The following PPP6R3 variants were observed in gnomAD, a reference collection of about 807,000 sequenced individuals.
PPP6R3 encodes the protein serine/threonine-protein phosphatase 6 regulatory subunit 3.
PPP6R3 carries 38 observed loss-of-function variants against 110.7 expected under a neutral mutation model. The ratio of observed to expected loss-of-function variants is 0.34; its 90% CI spans 0.26 to 0.45. PPP6R3 has a LOEUF of 0.45. PPP6R3 is among the 20% of genes least tolerant of loss of function. The pLI is 1.00. For missense variants in PPP6R3, 870 were observed against 1,062.4 expected, an observed-to-expected ratio of 0.82 and a Z score of 2.52; for synonymous variants, 369 against 373.5, an observed-to-expected ratio of 0.99 and a Z score of 0.14.
At chr11:68,547,352 C>T (rs754571024) in intron 4 of PPP6R3, among the ~76,000 whole-genome samples, 8 of 152,138 alleles carry the variant, frequency 5.3e-5, no homozygotes, top group Non-Finnish European at 8.8e-5. Context: ...ATAGATGACA[C>T]GTGCGCATGG....
chr11:68,473,978 G>A (rs1294327933), intron 1 of PPP6R3, among the ~76,000 whole-genome samples: 4 of 151,628 alleles, frequency 2.6e-5, no homozygotes. Context: ...TTTTCCTTAT[G>A]GCTAATGCTG....
intron 3 of PPP6R3, among the ~76,000 whole-genome samples, chr11:68,542,394 T>TTTTTTTTTTTTG (rs1555132403): frequency 1.3e-4 from 12 of 95,722 alleles, no homozygotes; most frequent in African/African-American, 4.7e-4. Context: ...CTGCTGTTTT[T>TTTTTTTTTTTTG]TTTTTTTTTT....
At chr11:68,477,741 AATATATATATATATATAT>A (rs1179617745) in intron 1 of PPP6R3, among the ~76,000 whole-genome samples, 1 of 57,894 alleles carries the variant, frequency 1.7e-5, no homozygotes, top group African/African-American at 7.1e-5. Context: ...AAAAAAAAAA[AATATATATATATATATAT>A]ATATATATAT....
At chr11:68,574,329 T>C (rs2099521990) in intron 13 of PPP6R3, 105 bp downstream of exon 13, 5 of 834,028 alleles carry the variant, frequency 6.0e-6, no homozygotes, top group Non-Finnish European at 9.5e-6. Context: ...TTTGTGGGAC[T>C]TCTTTATATT....
At chr11:68,552,659 G>T (rs2099385725) in intron 6 of PPP6R3, among the ~76,000 whole-genome samples, 1 of 152,190 alleles carries the variant, frequency 6.6e-6, no homozygotes, top group Non-Finnish European at 1.5e-5. Flanking sequence ...TGTGATGACA[G>T]TGTGGCCTGT....
At chr11:68,502,773 G>C (rs1007005902) in intron 1 of PPP6R3, among the ~76,000 whole-genome samples, 2 of 152,144 alleles carry the variant, frequency 1.3e-5, no homozygotes, top group Non-Finnish European at 2.9e-5. Context: ...TGGTTGGATG[G>C]GCAGCTTGTG....
At chr11:68,505,000 G>T (rs1404297363) in intron 1 of PPP6R3, 1 of 152,142 alleles carries the variant, frequency 6.6e-6, no homozygotes, top group Non-Finnish European at 1.5e-5. Context: ...GTTTAAACTG[G>T]TTTTTATAAT....
In PPP6R3 at chr11:68,614,350, T is replaced by G; in HGVS notation, c.*1233T>G. 8.5e-7 allele frequency: 1 copy of G among 1,173,956 alleles called. No homozygotes were observed. Among genetic ancestry groups the G allele is most frequent in the Non-Finnish European group, 1.1e-6 (1 of 945,934 alleles). The allele number at this position is 1,173,956 out of a possible 1,614,324, so 72.7% of individuals were successfully genotyped here. On this transcript the variant is annotated 3_prime_UTR_variant, in exon 24 of 24. Coordinates refer to ENST00000393800, the MANE Select transcript of PPP6R3 (RefSeq NM_001164161.2). ...CAAACAGCTCAAGCAATATATTGTATATTGCCATATCGTCTGGTGAAAGGG... is the reference window on the plus strand; with the variant it reads ...CAAACAGCTCAAGCAATATATTGTAGATTGCCATATCGTCTGGTGAAAGGG...
chr11:68,546,104 A>G (rs2099348013), intron 4 of PPP6R3, among the ~76,000 whole-genome samples: 1 of 152,192 alleles, frequency 6.6e-6, no homozygotes, highest in Admixed American at 6.5e-5. Context: ...TTAGAAAGAG[A>G]TATTTCTTTC....
intron 2 of PPP6R3, among the ~76,000 whole-genome samples, chr11:68,530,089 T>TA (rs775502392): frequency 6.6e-6 from 1 of 152,274 alleles, no homozygotes; most frequent in Non-Finnish European, 1.5e-5. Flanking sequence ...TATATTCTGT[T>TA]AGATACTTTT....
chr11:68,462,343 A>T (rs1591404374), intron 1 of PPP6R3, among the ~76,000 whole-genome samples: 1 of 152,224 alleles, frequency 6.6e-6, no homozygotes, highest in Non-Finnish European at 1.5e-5. Context: ...TTTTTTCAGG[A>T]CAGGGTTTTT....
At chr11:68,579,029 T>A (rs905193243) in intron 14 of PPP6R3, among the ~76,000 whole-genome samples, 10 of 152,182 alleles carry the variant, frequency 6.6e-5, no homozygotes, top group African/African-American at 1.9e-4. Flanking sequence ...AGGGGGAAAA[T>A]GTATTTAAAA....
In PPP6R3 at chr11:68,509,744, ATTTTTTT is replaced by A. The variant is rs59022544; in HGVS notation, c.-157-9741_-157-9735del. ...AGACATAAGCCACTGCATGTGGCTAATTTTTTTTTTTTTTTTTTTTTTGAGACGGAGC... is the reference window on the plus strand; with the variant it reads ...AGACATAAGCCACTGCATGTGGCTAATTTTTTTTTTTTTTTGAGACGGAGC... On this transcript the variant is annotated intron_variant, in intron 1 of 23. Transcript: ENST00000393800. Among the ~76,000 whole-genome samples the A allele has an allele frequency of 1.4e-4, 14 of 102,126 alleles. No homozygotes were observed. In the South Asian group the frequency reaches 3.6e-3, roughly 26 times the overall value. 67.0% of individuals were successfully genotyped at this position (102,126 alleles called of 152,430 possible).
Position 68,596,081 on chromosome 11 carries a change from T to C in PPP6R3, c.1917-16T>C. On this transcript the variant is annotated splice_polypyrimidine_tract_variant and intron_variant, in intron 18 of 23. Transcript: ENST00000393800. The stretch of plus-strand genomic sequence containing the variant: ...TGATAAGCAGTGTTAAATACTTGGG[T>C]CTTGTTTTTCCTTAGCTCGGGGAGT... 3.1e-6 allele frequency: 5 copies of C among 1,614,042 alleles called. No individual in the cohort carries two copies. The highest frequency in any genetic ancestry group is 4.2e-6 in the Non-Finnish European group (5 of 1,179,968).
intron 8 of PPP6R3, 77 bp downstream of exon 8, chr11:68,558,756 A>G (rs1466372670): frequency 9.0e-7 from 1 of 1,110,840 alleles, no homozygotes; most frequent in Non-Finnish European, 1.4e-6. Context: ...CTTAGTGGAT[A>G]AGCTGTAATA....
chr11:68,591,544 T>G, intron 17 of PPP6R3, 32 bp from the exon 18 acceptor site: 1 of 1,546,896 alleles, frequency 6.5e-7, no homozygotes, highest in South Asian at 1.2e-5. Context: ...TTAAATTTAT[T>G]TTGTTGTTTT....
chr11:68,476,002 C>T (rs1420904625), intron 1 of PPP6R3, among the ~76,000 whole-genome samples: 1 of 151,708 alleles, frequency 6.6e-6, no homozygotes, highest in African/African-American at 2.4e-5. Context: ...CAGAGGGGCT[C>T]TTCTCATCCC....
intron 8 of PPP6R3, among the ~76,000 whole-genome samples, chr11:68,560,639 G>T (rs1030320610): frequency 6.6e-6 from 1 of 152,186 alleles, no homozygotes; most frequent in Admixed American, 6.5e-5. Flanking sequence ...GAAGAACTCT[G>T]TCAGAATACA....
At chr11:68,567,398 A>G (rs569752862) in intron 10 of PPP6R3, among the ~76,000 whole-genome samples, 12 of 152,214 alleles carry the variant, frequency 7.9e-5, no homozygotes, top group Non-Finnish European at 1.6e-4. Flanking sequence ...TAGGATTTTG[A>G]AGATGATTAA....
Sources: gnomAD v4.1 joint callset for allele counts (sites outside exome capture counted in the v4.1 genomes callset) on GRCh38, gnomAD v4.1.1 for gene constraint, MANE v1.5 for transcripts, NCBI Gene and HGNC (gene_info 2026-07-23, HGNC 2026-07-21) for gene names.